FAM3C: variants seen among roughly 807,000 people sequenced by gnomAD.
The protein encoded by FAM3C is protein FAM3C.
A neutral mutation model predicts 32.5 loss-of-function variants in FAM3C; 15 were observed. That is an observed-to-expected ratio of 0.46 (90% confidence interval 0.31 to 0.71). FAM3C has a LOEUF of 0.71. Among genes scored for constraint, FAM3C ranks in the 30% least tolerant of loss-of-function variants. The pLI is 0.05. For synonymous variants in FAM3C, 75 were observed against 86.1 expected (o/e 0.87, Z 0.72); for missense variants, 175 against 274.4 (o/e 0.64, Z 2.56).
chr7:121,387,858 CA>C (rs1396091085), intron 1 of FAM3C, among the ~76,000 whole-genome samples: 5 of 151,832 alleles, frequency 3.3e-5, no homozygotes, highest in Non-Finnish European at 7.4e-5. Flanking sequence ...TCTAAAATTC[CA>C]AATATTTAGC....
chr7:121,377,713 A>G (rs1794267042), intron 3 of FAM3C, among the ~76,000 whole-genome samples: 1 of 152,190 alleles, frequency 6.6e-6, no homozygotes, highest in African/African-American at 2.4e-5. Context: ...TTATAGTACT[A>G]TGTTTTTACT....
At chr7:121,390,589 T>A (rs1337239189) in intron 1 of FAM3C, among the ~76,000 whole-genome samples, 1 of 152,106 alleles carries the variant, frequency 6.6e-6, no homozygotes, top group Non-Finnish European at 1.5e-5. Context: ...ATCTGTGGCG[T>A]CATAGATTCA....
intron 8 of FAM3C, among the ~76,000 whole-genome samples, chr7:121,354,467 G>C (rs1793769133): frequency 6.6e-6 from 1 of 152,312 alleles, no homozygotes; most frequent in East Asian, 1.9e-4. Flanking sequence ...AAACTAGAAA[G>C]GGAGGAAGTG....
chr7:121,357,474 G>A (rs963164082), intron 8 of FAM3C, among the ~76,000 whole-genome samples: 4 of 152,056 alleles, frequency 2.6e-5, no homozygotes, highest in Non-Finnish European at 5.9e-5. Context: ...CTGCAAATGT[G>A]CCACAATTAG....
At position 121,351,151 on chromosome 7, in the gene FAM3C, A is replaced by C; in HGVS notation, c.586T>G (p.Phe196Val). The C allele has an allele frequency of 7.4e-6, 12 of 1,613,314 alleles. No individual in the cohort carries two copies. Among genetic ancestry groups the C allele is most frequent in the Non-Finnish European group, 1.0e-5 (12 of 1,179,612 alleles). ...GAGTCTATGACACTAACCTGTTCAA[A>C]AGGGCTTTTTGTCTTAATGCCCTTC... The part of the protein sequence containing the change: ...GGKGIKTKSP[F>V]EQHIKNNKDT... Residue 196 changes from phenylalanine (F) to valine (V), a missense_variant, in exon 9 of 10, where the codon TTT becomes GTT. By Grantham distance (50) the Phe-to-Val change is conservative. Coordinates refer to ENST00000359943, the MANE Select transcript of FAM3C (RefSeq NM_014888.3).
At chr7:121,364,260 T>C (rs1020864116) in intron 5 of FAM3C, 72 bp from the exon 6 acceptor site, 5 of 1,048,912 alleles carry the variant, frequency 4.8e-6, no homozygotes, top group Non-Finnish European at 7.2e-6. Context: ...AATAAAGTCT[T>C]GCAAAAAAAG....
chr7:121,395,699 G>C (rs1794676700), intron 1 of FAM3C, among the ~76,000 whole-genome samples: 1 of 152,122 alleles, frequency 6.6e-6, no homozygotes. Context: ...CTCTAGTATA[G>C]GCGACACTAA....
At chr7:121,370,772 C>G (rs1296358099) in intron 5 of FAM3C, among the ~76,000 whole-genome samples, 1 of 152,048 alleles carries the variant, frequency 6.6e-6, no homozygotes, top group Non-Finnish European at 1.5e-5. Context: ...AAATGAAAGA[C>G]GTTGGATTTC....
At chr7:121,377,385 C>A (rs774636481) in intron 3 of FAM3C, among the ~76,000 whole-genome samples, 5 of 152,156 alleles carry the variant, frequency 3.3e-5, no homozygotes, top group Admixed American at 1.3e-4. Context: ...TCCTTTCAAA[C>A]ATGAATTTAT....
intron 6 of FAM3C, among the ~76,000 whole-genome samples, chr7:121,363,347 A>C (rs1793964374): frequency 6.6e-6 from 1 of 152,178 alleles, no homozygotes; most frequent in Admixed American, 6.5e-5. Context: ...GCCATTTTCT[A>C]CATTAAATCA....
At chr7:121,370,230 C>T (rs539054324) in intron 5 of FAM3C, among the ~76,000 whole-genome samples, 11 of 152,052 alleles carry the variant, frequency 7.2e-5, no homozygotes, top group East Asian at 1.9e-4. Context: ...CATTAGAATA[C>T]GGGAAAATAA....
intron 3 of FAM3C, among the ~76,000 whole-genome samples, chr7:121,374,061 T>G (rs1219152149): frequency 6.6e-6 from 1 of 152,070 alleles, no homozygotes; most frequent in Non-Finnish European, 1.5e-5. Context: ...CAAAAATAAT[T>G]TGGACTGTGT....
At chr7:121,382,503 A>G (rs915603056) in intron 2 of FAM3C, among the ~76,000 whole-genome samples, 4 of 150,920 alleles carry the variant, frequency 2.7e-5, no homozygotes, top group Non-Finnish European at 5.9e-5. Flanking sequence ...CAGCCTCCCT[A>G]GGTTGTCAAA....
Position 121,372,150 on chromosome 7 carries a change from A to G in FAM3C, c.119-11T>C. 5 of 1,603,286 alleles carry G rather than the reference A, an allele frequency of 3.1e-6. No homozygotes were observed. Among genetic ancestry groups the G allele is most frequent in the Non-Finnish European group, 4.3e-6 (5 of 1,171,558 alleles). On this transcript the variant is annotated splice_polypyrimidine_tract_variant and intron_variant, in intron 3 of 9. Coordinates refer to ENST00000359943, the MANE Select transcript of FAM3C (RefSeq NM_014888.3). ...CCAATGCTGATCTTGCTGAAAAAAA[A>G]AAATTACTTTTGTTAGAAGGAATGA... is the stretch of plus-strand genomic sequence containing the variant.
intron 1 of FAM3C, among the ~76,000 whole-genome samples, chr7:121,390,610 A>C (rs763152428): frequency 6.6e-6 from 1 of 152,178 alleles, no homozygotes; most frequent in African/African-American, 2.4e-5. Context: ...ATGAAACATC[A>C]TATGTTCTTT....
At chr7:121,362,187 GA>G (rs1479538696) in intron 7 of FAM3C, among the ~76,000 whole-genome samples, 1 of 152,090 alleles carries the variant, frequency 6.6e-6, no homozygotes, top group African/African-American at 2.4e-5. Context: ...CAAACTGGAG[GA>G]AAAAAACCCA....
At chr7:121,350,933 G>C (rs887928162) in intron 9 of FAM3C, among the ~76,000 whole-genome samples, 1 of 151,870 alleles carries the variant, frequency 6.6e-6, no homozygotes, top group Non-Finnish European at 1.5e-5. Context: ...TTGTCCTGTA[G>C]GAAAAAATAT....
intron 1 of FAM3C, among the ~76,000 whole-genome samples, chr7:121,391,579 G>A (rs1794578157): frequency 6.6e-6 from 1 of 152,184 alleles, no homozygotes; most frequent in Non-Finnish European, 1.5e-5. Flanking sequence ...ACGTGTTTAA[G>A]AATTCCCTTA....
intron 8 of FAM3C, among the ~76,000 whole-genome samples, chr7:121,353,495 C>T (rs1793748656): frequency 2.6e-5 from 4 of 152,200 alleles, no homozygotes; most frequent in African/African-American, 7.2e-5. Flanking sequence ...GGCCTACTAG[C>T]AAGACTGACC....
Sources: allele counts gnomAD v4.1 joint callset (sites outside exome capture counted in the v4.1 genomes callset), GRCh38; gene constraint gnomAD v4.1.1; transcripts MANE v1.5; gene names NCBI Gene and HGNC (gene_info 2026-07-23, HGNC 2026-07-21).